Variants in XIRP2 observed in about 807,000 individuals in gnomAD.
The protein encoded by XIRP2 is xin actin-binding repeat-containing protein 2.
XIRP2 carries 236 observed loss-of-function variants against 277.0 expected under a neutral mutation model. The observed-to-expected ratio is 0.85, with a 90% CI of 0.77 to 0.95. The LOEUF is 0.95. XIRP2 is among the 40% of genes least tolerant of loss of function. XIRP2 has a pLI of 0.00. For synonymous variants in XIRP2, 1,490 were observed against 1,416.5 expected, an observed-to-expected ratio of 1.05 and a Z score of -1.17; for missense variants, 4,640 against 4,157.5, an observed-to-expected ratio of 1.12 and a Z score of -3.19.
chr2:167,147,586 G>A (rs1365941169), intron 3 of XIRP2, among the ~76,000 whole-genome samples: 1 of 152,192 alleles, frequency 6.6e-6, no homozygotes, highest in Admixed American at 6.5e-5. Context: ...GCTAGAATGA[G>A]CTTCCCTGGT....
intron 8 of XIRP2, 97 bp downstream of exon 8, chr2:167,242,007 A>G: frequency 1.4e-6 from 2 of 1,421,064 alleles, no homozygotes; most frequent in South Asian, 1.7e-5. Context: ...TGGCTTTTCA[A>G]CAAAAAAAAA....
At chr2:167,174,140 G>T (rs1303233719) in intron 3 of XIRP2, among the ~76,000 whole-genome samples, 1 of 152,154 alleles carries the variant, frequency 6.6e-6, no homozygotes, top group Admixed American at 6.5e-5. Context: ...AAATGAGTTA[G>T]GGAGGAGTCC....
rs550832376 is a variant in XIRP2, at chr2:166,917,399, T to A, written c.408+13509T>A. 2.0e-5 allele frequency among the ~76,000 whole-genome samples: 3 copies of A among 152,298 alleles called. No homozygotes were observed. The South Asian group carries it at 6.2e-4, about 32-fold the overall frequency. ...TTCATTTTATGCAGCTTTTTCTTTG[T>A]GGTGTAATTTGTTTTTAAAAATAAT... is the stretch of plus-strand genomic sequence containing the variant. On this transcript the variant is annotated intron_variant, in intron 2 of 10. Coordinates refer to ENST00000409195, the MANE Select transcript of XIRP2 (RefSeq NM_152381.6).
intron 2 of XIRP2, among the ~76,000 whole-genome samples, chr2:166,942,331 A>G (rs2105384239): frequency 6.6e-6 from 1 of 152,276 alleles, no homozygotes; most frequent in East Asian, 1.9e-4. Context: ...TCGTAATAAT[A>G]TTGTCTTAAT....
Position 167,013,848 on chromosome 2 carries a change from T to C in XIRP2, c.408+109958T>C, listed in dbSNP as rs542319341. Among the ~76,000 whole-genome samples the C allele has an allele frequency of 3.8e-3, 574 of 151,510 alleles. 4 individuals carry two copies. Among genetic ancestry groups the C allele is most frequent in the Non-Finnish European group, 5.1e-3 (344 of 67,646 alleles). On this transcript the variant is annotated intron_variant, in intron 2 of 10. Coordinates refer to ENST00000409195, the MANE Select transcript of XIRP2 (RefSeq NM_152381.6). ...TTCATGTAGGTCCAAGGTTTTTCTT[T>C]TGAGAATGCATTGGGTAATTAGATT...
At chr2:167,199,874 G>A (rs1367239221) in intron 3 of XIRP2, among the ~76,000 whole-genome samples, 1 of 152,112 alleles carries the variant, frequency 6.6e-6, no homozygotes, top group Admixed American at 6.5e-5. Flanking sequence ...GGAAGTTTGG[G>A]AAAAGGAAAA....
intron 2 of XIRP2, among the ~76,000 whole-genome samples, chr2:167,116,475 AG>A (rs1690898793): frequency 6.6e-6 from 1 of 152,160 alleles, no homozygotes; most frequent in East Asian, 1.9e-4. Context: ...TTTTGATAAA[AG>A]TTTATATCCT....
chr2:166,909,295 A>G (rs9677650), intron 2 of XIRP2, among the ~76,000 whole-genome samples: 11,597 of 152,174 alleles, frequency 0.076, 1,015 homozygotes, highest in East Asian at 0.49. Context: ...ATTTCGTTGA[A>G]CAGTGATTTG....
chr2:166,908,724 T>A (rs1386287231), intron 2 of XIRP2, among the ~76,000 whole-genome samples: 2 of 152,264 alleles, frequency 1.3e-5, no homozygotes, highest in Admixed American at 1.3e-4. Context: ...GCCTAGGTTT[T>A]CTTCTAGGGT....
chr2:167,019,881 T>C (rs1017951083), intron 2 of XIRP2, among the ~76,000 whole-genome samples: 1 of 152,092 alleles, frequency 6.6e-6, no homozygotes, highest in Admixed American at 6.6e-5. Flanking sequence ...ATACATTTTA[T>C]AGCAGTGATT....
rs1005542325 is a variant in XIRP2, at chr2:167,112,601, A to C, written c.409-23308A>C. The stretch of plus-strand genomic sequence containing the variant: ...TTATATATAATATATATAAATCTCT[A>C]TATAAATCTCTCTCTCTATATATTT... On this transcript the variant is annotated intron_variant, in intron 2 of 10. Coordinates refer to ENST00000409195, the MANE Select transcript of XIRP2 (RefSeq NM_152381.6). 6.1e-5 allele frequency among the ~76,000 whole-genome samples: 9 copies of C among 148,190 alleles called. No individual in the cohort carries two copies. The South Asian group carries it at 6.3e-4, about 10-fold the overall frequency.
intron 2 of XIRP2, among the ~76,000 whole-genome samples, chr2:167,099,399 A>G (rs1216857980): frequency 7.9e-5 from 12 of 152,256 alleles, no homozygotes; most frequent in Non-Finnish European, 8.8e-5. Context: ...ACTGCTATCT[A>G]TGCTGGCGGC....
At position 167,247,983 on chromosome 2, in the gene XIRP2, G is replaced by A. The variant is rs755280119; in HGVS notation, c.6591G>A (p.Lys2197=). The part of the protein sequence containing the change: ...LLKQETKYSN[K]DIKKKNINLQ... ...AGCAAGAAACAAAATATTCTAATAA[G>A]GATATAAAGAAAAAGAATATAAACC... The change falls in exon 9 of 11, where the codon AAG becomes AAA. Residue 2197 remains lysine, a synonymous_variant. Coordinates refer to ENST00000409195, the MANE Select transcript of XIRP2 (RefSeq NM_152381.6). 1.9e-6 allele frequency: 3 copies of A among 1,612,162 alleles called. No homozygotes were observed. Among genetic ancestry groups the A allele is most frequent in the Non-Finnish European group, 8.5e-7 (1 of 1,179,366 alleles).
At chr2:167,106,070 A>G (rs1172409327) in intron 2 of XIRP2, among the ~76,000 whole-genome samples, 1 of 151,386 alleles carries the variant, frequency 6.6e-6, no homozygotes, top group African/African-American at 2.4e-5. Context: ...CGTTCCAGAT[A>G]CTAGTCACTT....
At chr2:166,987,229 A>G (rs1687030741) in intron 2 of XIRP2, among the ~76,000 whole-genome samples, 1 of 152,204 alleles carries the variant, frequency 6.6e-6, no homozygotes, top group African/African-American at 2.4e-5. Flanking sequence ...CACTTTTGTC[A>G]GTTCTGAGTA....
intron 5 of XIRP2, among the ~76,000 whole-genome samples, chr2:167,234,304 T>C (rs1694839581): frequency 6.6e-6 from 1 of 151,478 alleles, no homozygotes; most frequent in African/African-American, 2.4e-5. Context: ...ATTTATGCAA[T>C]ATATCTGCAT....
intron 3 of XIRP2, among the ~76,000 whole-genome samples, chr2:167,203,508 A>C (rs1027768107): frequency 1.4e-4 from 21 of 152,120 alleles, no homozygotes; most frequent in African/African-American, 5.1e-4. Context: ...ATGGAATCTG[A>C]GTCACTGTGT....
intron 2 of XIRP2, among the ~76,000 whole-genome samples, chr2:166,946,718 A>G (rs576559244): frequency 6.6e-6 from 1 of 152,272 alleles, no homozygotes; most frequent in African/African-American, 2.4e-5. Flanking sequence ...AACATTAAAG[A>G]AATACAAATA....
chr2:167,222,140 G>C (rs1048382526), intron 5 of XIRP2, among the ~76,000 whole-genome samples: 2 of 152,144 alleles, frequency 1.3e-5, no homozygotes, highest in Non-Finnish European at 2.9e-5. Flanking sequence ...TCTAATGGAA[G>C]GGCAGTTCTG....
Sources: allele counts gnomAD v4.1 joint callset (sites outside exome capture counted in the v4.1 genomes callset), GRCh38; gene constraint gnomAD v4.1.1; transcripts MANE v1.5; gene names NCBI Gene and HGNC (gene_info 2026-07-23, HGNC 2026-07-21).